The following ORC3 variants were observed in gnomAD, a reference collection of about 807,000 sequenced individuals.
ORC3 encodes the protein origin recognition complex subunit 3.
Under a neutral mutation model 100.7 loss-of-function variants are expected in ORC3, and 78 were observed. The ratio of observed to expected loss-of-function variants is 0.77; its 90% confidence interval spans 0.65 to 0.94. ORC3 has a LOEUF of 0.94. Ranked by LOEUF, ORC3 falls within the 40% of genes least tolerant of loss-of-function variation. ORC3 has a pLI of 0.00. For synonymous variants in ORC3, 295 were observed against 289.3 expected (o/e 1.02, Z -0.20); for missense variants, 789 against 823.9 (o/e 0.96, Z 0.52).
At chr6:87,652,001 C>T (rs924733358) in intron 13 of ORC3, among the ~76,000 whole-genome samples, 5 of 151,646 alleles carry the variant, frequency 3.3e-5, no homozygotes, top group Non-Finnish European at 5.9e-5. Context: ...CCGGTTCCAG[C>T]GATTCTCCTG....
At position 87,602,954 on chromosome 6, in the gene ORC3, A is replaced by ATTTATATATAT. The variant is rs1554236515; in HGVS notation, c.178-430_178-429insTTTATATATAT. Reference sequence around the variant, plus strand: ...CGTTTATATATATATACACATATATAATATATATATATATATACATATATA... The same window carrying ATTTATATATAT: ...CGTTTATATATATATACACATATATATTTATATATATATATATATATATATATACATATATA... On this transcript the variant is annotated intron_variant, in intron 3 of 19. Coordinates refer to ENST00000392844, the MANE Select transcript of ORC3 (RefSeq NM_012381.4). 9.8e-4 allele frequency among the ~76,000 whole-genome samples: 93 copies of ATTTATATATAT among 95,240 alleles called. 1 individual carries two copies. The highest frequency in any genetic ancestry group is 1.5e-3 in the Non-Finnish European group (74 of 48,656). The allele number at this position is 95,240 out of a possible 152,430, so 62.5% of individuals were successfully genotyped here.
At chr6:87,677,110 G>A in the ORC3 span, among the ~76,000 whole-genome samples, 24 of 151,144 alleles carry the variant, frequency 1.6e-4, no homozygotes. Flanking sequence ...AAAAACAAAG[G>A]ACTTTCAATA....
At chr6:87,643,640 G>A (rs1768460949) in intron 13 of ORC3, among the ~76,000 whole-genome samples, 1 of 152,238 alleles carries the variant, frequency 6.6e-6, no homozygotes, top group East Asian at 1.9e-4. Context: ...AACATTTACT[G>A]CCTACTGTCA....
intron 16 of ORC3, among the ~76,000 whole-genome samples, chr6:87,658,838 C>T (rs559975764): frequency 6.6e-6 from 1 of 152,170 alleles, no homozygotes; most frequent in African/African-American, 2.4e-5. Context: ...TCTACCAATC[C>T]AGCCTGTATT....
Position 87,645,988 on chromosome 6 carries a change from T to C in ORC3, c.1383-7128T>C, listed in dbSNP as rs944478196. Among the ~76,000 whole-genome samples the C allele has an allele frequency of 3.4e-4, 50 of 145,020 alleles. 1 individual carries two copies. Among genetic ancestry groups the C allele is most frequent in the Admixed American group, 6.8e-4 (10 of 14,618 alleles). On this transcript the variant is annotated intron_variant, in intron 13 of 19. Coordinates refer to ENST00000392844, the MANE Select transcript of ORC3 (RefSeq NM_012381.4). The stretch of plus-strand genomic sequence containing the variant: ...AATAATTTTTTCTTTTTTTTTCTTT[T>C]TTTTTTCTTTTTTTTTGAGGCGGAG...
intron 12 of ORC3, among the ~76,000 whole-genome samples, chr6:87,635,436 G>A (rs979943080): frequency 2.6e-5 from 4 of 152,288 alleles, no homozygotes; most frequent in African/African-American, 9.6e-5. Context: ...GTAGATTTTA[G>A]CAGAGAAATT....
the ORC3 span, among the ~76,000 whole-genome samples, chr6:87,674,550 A>C: frequency 2.0e-5 from 3 of 150,534 alleles, no homozygotes; most frequent in Non-Finnish European, 4.4e-5. Context: ...GATCCTACTG[A>C]TATCTGAGGT....
chr6:87,662,767 G>A (rs1770293194), intron 16 of ORC3, among the ~76,000 whole-genome samples: 1 of 152,204 alleles, frequency 6.6e-6, no homozygotes, highest in Admixed American at 6.5e-5. Context: ...TGGAAGAGAT[G>A]CAGTTCTGAG....
At chr6:87,627,297 C>CTTT (rs71554739) in intron 11 of ORC3, among the ~76,000 whole-genome samples, 2 of 113,426 alleles carry the variant, frequency 1.8e-5, no homozygotes, top group African/African-American at 3.5e-5. Context: ...CCGCGCCCAG[C>CTTT]TTTTTTTTTT....
chr6:87,619,438 G>A lies in ORC3; in HGVS notation c.988-1916G>A, dbSNP rs117445954. ...TTGTTTCTTTTTGAGATAGGGTTTC[G>A]CTCTGTCGCCCAGGCTGGAGTGCAG... On this transcript the variant is annotated intron_variant, in intron 9 of 19. Coordinates refer to ENST00000392844, the MANE Select transcript of ORC3 (RefSeq NM_012381.4). Among the ~76,000 whole-genome samples, 95 of 152,118 alleles carry A rather than the reference G, an allele frequency of 6.2e-4. No individual in the cohort carries two copies. The East Asian group carries it at 0.013, about 21-fold the overall frequency.
Position 87,656,915 on chromosome 6 carries a change from A to T in ORC3, c.1526A>T (p.Glu509Val). 1 of 1,611,828 alleles carries T rather than the reference A, an allele frequency of 6.2e-7. No homozygotes were observed. The highest frequency in any genetic ancestry group is 8.5e-7 in the Non-Finnish European group (1 of 1,178,528). ...TTTGTATTAAAAGCAGAAACCAAAG[A>T]GGAAGAAGATGCTTCTGGGTCACAG... ...AQFQSLDETKEEEDASGSQPK... is the reference protein window; with the variant it reads ...AQFQSLDETKVEEDASGSQPK... The change falls in exon 15 of 20, where the codon GAG (glutamate) becomes GTG (valine). Residue 509 changes from glutamate (E) to valine (V), a missense_variant. Glu to Val is a moderately radical substitution (Grantham distance 121). This residue lies in a region of ORC3 where 366 missense variants were observed against 394.2 expected (regional missense o/e 0.93). Coordinates refer to ENST00000392844, the MANE Select transcript of ORC3 (RefSeq NM_012381.4).
intron 4 of ORC3, among the ~76,000 whole-genome samples, chr6:87,604,369 T>G (rs1447273750): frequency 6.6e-6 from 1 of 152,206 alleles, no homozygotes; most frequent in Non-Finnish European, 1.5e-5. Flanking sequence ...TTTACATTTC[T>G]AACAGGGTAC....
At chr6:87,594,037 G>C (rs534082049) in intron 1 of ORC3, among the ~76,000 whole-genome samples, 1 of 152,322 alleles carries the variant, frequency 6.6e-6, no homozygotes, top group African/African-American at 2.4e-5. Context: ...TTATGAAAAT[G>C]GAACCTTTCT....
the ORC3 span, among the ~76,000 whole-genome samples, chr6:87,673,076 A>G: frequency 6.6e-6 from 1 of 151,898 alleles, no homozygotes; most frequent in Non-Finnish European, 1.5e-5. Flanking sequence ...GGACCCATCT[A>G]AAGTCAGAGT....
intron 1 of ORC3, among the ~76,000 whole-genome samples, chr6:87,592,299 G>A (rs1402006147): frequency 6.6e-6 from 1 of 152,220 alleles, no homozygotes; most frequent in Admixed American, 6.5e-5. Context: ...AAATATGTAT[G>A]TGATTTCGCA....
Position 87,601,124 on chromosome 6 carries a change from G to T in ORC3, c.80-660G>T, listed in dbSNP as rs1583007355. ...CAATAGAGGAGAGTTCAAAGCAAAT[G>T]TATGAAACAAAGTATACAAGGTTGT... On this transcript the variant is annotated intron_variant, in intron 2 of 19. Coordinates refer to ENST00000392844, the MANE Select transcript of ORC3 (RefSeq NM_012381.4). Among the ~76,000 whole-genome samples the T allele has an allele frequency of 2.0e-5, 3 of 152,120 alleles. No homozygotes were observed. The South Asian group carries it at 6.2e-4, about 32-fold the overall frequency.
At chr6:87,629,058 C>T (rs1193864291) in intron 11 of ORC3, among the ~76,000 whole-genome samples, 1 of 152,166 alleles carries the variant, frequency 6.6e-6, no homozygotes, top group Non-Finnish European at 1.5e-5. Flanking sequence ...AAGACTAGCA[C>T]TCTTGCCACA....
intron 16 of ORC3, among the ~76,000 whole-genome samples, chr6:87,658,999 G>A (rs1189833312): frequency 1.2e-5 from 1 of 84,796 alleles, no homozygotes; most frequent in Admixed American, 1.8e-4. Flanking sequence ...AAAAGAAAAC[G>A]ATTTAATACC....
In ORC3 at chr6:87,609,248, G is replaced by A; in HGVS notation, c.713+19G>A. ...TCAGCAGGTAGATGGTGTATTACCT[G>A]GCTTTTATGAAAAACTCCCTTTTTA... On this transcript the variant is annotated intron_variant, in intron 7 of 19. Coordinates refer to ENST00000392844, the MANE Select transcript of ORC3 (RefSeq NM_012381.4). The A allele has an allele frequency of 6.6e-7, 1 of 1,514,570 alleles. No individual in the cohort carries two copies. The highest frequency in any genetic ancestry group is 2.4e-5 in the East Asian group (1 of 41,582). 93.8% of individuals were successfully genotyped at this position (1,514,570 alleles called of 1,614,324 possible).
Sources: gnomAD v4.1 joint callset for allele counts (sites outside exome capture counted in the v4.1 genomes callset) on GRCh38, gnomAD v4.1.1 for gene constraint, gnomAD v4.1.1 regional missense constraint, MANE v1.5 for transcripts, NCBI Gene and HGNC (gene_info 2026-07-23, HGNC 2026-07-21) for gene names.